The following HS6ST3 variants were observed in gnomAD, a reference collection of about 807,000 sequenced individuals.
HS6ST3 encodes the protein heparan-sulfate 6-O-sulfotransferase 3.
Under a neutral mutation model 36.7 loss-of-function variants are expected in HS6ST3, and 12 were observed. The ratio of observed to expected loss-of-function variants is 0.33; its 90% CI spans 0.21 to 0.53. The LOEUF (loss-of-function observed/expected upper bound fraction) is 0.53, where lower values mean the gene tolerates loss of function less well. Among genes scored for constraint, HS6ST3 ranks in the 20% least tolerant of loss-of-function variants. HS6ST3 has a pLI of 0.95. For missense variants in HS6ST3, 584 were observed against 640.9 expected (o/e 0.91, Z 0.96); for synonymous variants, 240 against 257.5 (o/e 0.93, Z 0.65).
chr13:96,503,816 A>G (rs886116526), intron 1 of HS6ST3, among the ~76,000 whole-genome samples: 1 of 152,304 alleles, frequency 6.6e-6, no homozygotes, highest in South Asian at 2.1e-4. Context: ...GCAAAACACC[A>G]TAGACTGGGG....
intron 1 of HS6ST3, among the ~76,000 whole-genome samples, chr13:96,467,926 A>G (rs1328049): frequency 0.83 from 125,500 of 152,082 alleles, 53,541 homozygotes; most frequent in Non-Finnish European, 0.95. Flanking sequence ...AGAGTACAGG[A>G]TTGGTGCAAG....
intron 1 of HS6ST3, among the ~76,000 whole-genome samples, chr13:96,106,495 A>G (rs1228591035): frequency 2.0e-5 from 3 of 152,252 alleles, no homozygotes; most frequent in African/African-American, 7.2e-5. Context: ...CTTCAGCCCC[A>G]GTCAGCTCTT....
chr13:96,518,783 C>T (rs955663333), intron 1 of HS6ST3, among the ~76,000 whole-genome samples: 1 of 152,156 alleles, frequency 6.6e-6, no homozygotes, highest in Admixed American at 6.6e-5. Context: ...AAGCAAATGT[C>T]TGAAAGCATT....
chr13:96,584,008 A>G (rs2056351836), intron 1 of HS6ST3, among the ~76,000 whole-genome samples: 1 of 152,192 alleles, frequency 6.6e-6, no homozygotes, highest in African/African-American at 2.4e-5. Flanking sequence ...TCCCTGGTTG[A>G]GAATCGCTAA....
At chr13:96,174,603 TTCTC>T (rs1355970379) in intron 1 of HS6ST3, among the ~76,000 whole-genome samples, 4 of 152,176 alleles carry the variant, frequency 2.6e-5, no homozygotes, top group African/African-American at 9.7e-5. Flanking sequence ...ATATACAACT[TTCTC>T]TCTCCCCATT....
chr13:96,275,190 G>A (rs1035595612), intron 1 of HS6ST3, among the ~76,000 whole-genome samples: 10 of 152,136 alleles, frequency 6.6e-5, no homozygotes, highest in South Asian at 4.1e-4. Context: ...TCAACATGAC[G>A]ATGGGTTCCT....
At chr13:96,557,872 G>T (rs962807068) in intron 1 of HS6ST3, among the ~76,000 whole-genome samples, 3 of 152,134 alleles carry the variant, frequency 2.0e-5, no homozygotes, top group Non-Finnish European at 4.4e-5. Flanking sequence ...GTCACTGACT[G>T]GCTGTGTGTT....
At chr13:96,300,216 C>G (rs2054875222) in intron 1 of HS6ST3, among the ~76,000 whole-genome samples, 2 of 151,606 alleles carry the variant, frequency 1.3e-5, no homozygotes, top group African/African-American at 4.8e-5. Context: ...GACACCACAC[C>G]TGGCTAATTT....
intron 1 of HS6ST3, among the ~76,000 whole-genome samples, chr13:96,803,849 A>G (rs1016500435): frequency 2.6e-5 from 4 of 152,148 alleles, no homozygotes; most frequent in Non-Finnish European, 5.9e-5. Flanking sequence ...TGGAATATAC[A>G]TCTAGATGGG....
At chr13:96,535,789 G>C (rs1208763431) in intron 1 of HS6ST3, among the ~76,000 whole-genome samples, 4 of 152,084 alleles carry the variant, frequency 2.6e-5, no homozygotes, top group Non-Finnish European at 4.4e-5. Flanking sequence ...CAGTGGGTTT[G>C]GGTGACTCTT....
At chr13:96,595,300 G>A (rs2056397471) in intron 1 of HS6ST3, among the ~76,000 whole-genome samples, 2 of 152,158 alleles carry the variant, frequency 1.3e-5, no homozygotes, top group Non-Finnish European at 2.9e-5. Flanking sequence ...TCCTGTCTTG[G>A]CCTTGCTAAG....
At chr13:96,425,789 A>G (rs991974482) in intron 1 of HS6ST3, among the ~76,000 whole-genome samples, 1 of 152,130 alleles carries the variant, frequency 6.6e-6, no homozygotes, top group Admixed American at 6.5e-5. Context: ...GCCAATTACC[A>G]GAATGATTTT....
chr13:96,206,229 A>G (rs1465765726), intron 1 of HS6ST3, among the ~76,000 whole-genome samples: 7 of 152,226 alleles, frequency 4.6e-5, no homozygotes, highest in African/African-American at 1.7e-4. Context: ...TGAAGAGAAT[A>G]AAATATCTAA....
chr13:96,757,598 T>C (rs1876865140), intron 1 of HS6ST3, among the ~76,000 whole-genome samples: 3 of 152,222 alleles, frequency 2.0e-5, no homozygotes, highest in Non-Finnish European at 2.9e-5. Flanking sequence ...AATATGCTGG[T>C]AACGGTAAGG....
chr13:96,296,537 C>T (rs1323807756), intron 1 of HS6ST3, among the ~76,000 whole-genome samples: 1 of 152,086 alleles, frequency 6.6e-6, no homozygotes, highest in Non-Finnish European at 1.5e-5. Context: ...GAAAAGCTGG[C>T]ACAAAATTCC....
chr13:96,236,455 C>T (rs890168274), intron 1 of HS6ST3, among the ~76,000 whole-genome samples: 1 of 152,166 alleles, frequency 6.6e-6, no homozygotes, highest in Non-Finnish European at 1.5e-5. Context: ...AATACAGTCT[C>T]ACTGTCCATT....
At chr13:96,434,124 T>G (rs1483362321) in intron 1 of HS6ST3, among the ~76,000 whole-genome samples, 1 of 152,162 alleles carries the variant, frequency 6.6e-6, no homozygotes, top group Non-Finnish European at 1.5e-5. Context: ...ACTCCATATC[T>G]TGATGTCAGA....
At chr13:96,503,403 C>T (rs571517042) in intron 1 of HS6ST3, among the ~76,000 whole-genome samples, 1 of 152,236 alleles carries the variant, frequency 6.6e-6, no homozygotes, top group South Asian at 2.1e-4. Flanking sequence ...TCACAGAAAA[C>T]AATTAGCAAC....
intron 1 of HS6ST3, among the ~76,000 whole-genome samples, chr13:96,443,398 C>T (rs1026072832): frequency 6.6e-6 from 1 of 151,686 alleles, no homozygotes; most frequent in African/African-American, 2.4e-5. Flanking sequence ...GGCATGGTGG[C>T]AAGTGCCTGT....
Sources: gnomAD v4.1 joint callset for allele counts (sites outside exome capture counted in the v4.1 genomes callset) on GRCh38, gnomAD v4.1.1 for gene constraint, MANE v1.5 for transcripts, NCBI Gene and HGNC (gene_info 2026-07-23, HGNC 2026-07-21) for gene names.